The following LDB2 variants were observed in gnomAD, a reference collection of about 807,000 sequenced individuals.
LDB2 encodes the protein LIM domain-binding protein 2.
A neutral mutation model predicts 44.3 loss-of-function variants in LDB2; 12 were observed. That is an observed-to-expected ratio of 0.27 (90% CI 0.17 to 0.44). The LOEUF (loss-of-function observed/expected upper bound fraction) is 0.44, where lower values mean the gene tolerates loss of function less well. Ranked by LOEUF, LDB2 falls within the 20% of genes least tolerant of loss-of-function variation. LDB2 has a pLI of 1.00. For missense variants in LDB2, 344 were observed against 473.5 expected (o/e 0.73, Z 2.54); for synonymous variants, 164 against 174.8 (o/e 0.94, Z 0.49).
chr4:16,828,243 G>A (rs895821668), intron 1 of LDB2, among the ~76,000 whole-genome samples: 5 of 152,116 alleles, frequency 3.3e-5, no homozygotes, highest in Non-Finnish European at 5.9e-5. Flanking sequence ...TTCAAGGCTC[G>A]CCTCCACCTG....
chr4:16,672,278 A>G (rs1331637866), intron 2 of LDB2, among the ~76,000 whole-genome samples: 1 of 152,204 alleles, frequency 6.6e-6, no homozygotes, highest in Non-Finnish European at 1.5e-5. Context: ...TTGGATTCAG[A>G]GCCTGCAAGT....
intron 2 of LDB2, among the ~76,000 whole-genome samples, chr4:16,656,147 G>A (rs575806561): frequency 6.6e-6 from 1 of 152,178 alleles, no homozygotes; most frequent in African/African-American, 2.4e-5. Flanking sequence ...TGATCCACCC[G>A]CCTCGGCCTC....
intron 2 of LDB2, among the ~76,000 whole-genome samples, chr4:16,612,525 G>A (rs930747652): frequency 1.3e-5 from 2 of 151,998 alleles, no homozygotes. Flanking sequence ...AAAGATAAAG[G>A]GGATATAAAC....
chr4:16,725,257 C>G lies in LDB2; in HGVS notation c.235+33901G>C, dbSNP rs557385065. ...ATACACAAGTTCACACACACACACA[C>G]ACACGCACACACACGCACATATATA... On this transcript the variant is annotated intron_variant, in intron 2 of 7. Coordinates refer to ENST00000304523, the MANE Select transcript of LDB2 (RefSeq NM_001290.5). Among the ~76,000 whole-genome samples, 14 of 152,132 alleles carry G rather than the reference C, an allele frequency of 9.2e-5. No individual in the cohort carries two copies. The South Asian group carries it at 2.9e-3, about 32-fold the overall frequency.
intron 2 of LDB2, among the ~76,000 whole-genome samples, chr4:16,610,556 A>G (rs1324515953): frequency 6.6e-6 from 1 of 152,148 alleles, no homozygotes; most frequent in Admixed American, 6.5e-5. Context: ...GCATGAGAAC[A>G]TTGTGAAGCA....
chr4:16,669,999 C>T (rs951413097), intron 2 of LDB2, among the ~76,000 whole-genome samples: 5 of 152,224 alleles, frequency 3.3e-5, no homozygotes, highest in Admixed American at 6.5e-5. Flanking sequence ...TGGCTGCTTT[C>T]GTGCTACAAT....
At chr4:16,578,059 C>A (rs1032793390) in intron 5 of LDB2, among the ~76,000 whole-genome samples, 14 of 152,144 alleles carry the variant, frequency 9.2e-5, no homozygotes, top group African/African-American at 3.1e-4. Flanking sequence ...ATACAAAAAT[C>A]AAATAAAAAT....
chr4:16,662,935 C>G (rs1742021473), intron 2 of LDB2, among the ~76,000 whole-genome samples: 1 of 151,948 alleles, frequency 6.6e-6, no homozygotes, highest in Non-Finnish European at 1.5e-5. Flanking sequence ...AAAATAGAAT[C>G]ATTTGGAACA....
intron 1 of LDB2, among the ~76,000 whole-genome samples, chr4:16,881,746 G>A (rs1353343729): frequency 1.3e-5 from 2 of 151,368 alleles, no homozygotes; most frequent in South Asian, 2.1e-4. Context: ...GATTATTTTT[G>A]CCACATCTGA....
chr4:16,725,620 G>A (rs1346842488), intron 2 of LDB2, among the ~76,000 whole-genome samples: 4 of 152,056 alleles, frequency 2.6e-5, no homozygotes, highest in South Asian at 2.1e-4. Context: ...TGCCAAATAC[G>A]TACCACTAAC....
chr4:16,624,085 T>G (rs1729628087), intron 2 of LDB2, among the ~76,000 whole-genome samples: 2 of 152,178 alleles, frequency 1.3e-5, no homozygotes, highest in African/African-American at 4.8e-5. Context: ...TTAATAAAAT[T>G]TTATTGCATT....
intron 3 of LDB2, among the ~76,000 whole-genome samples, chr4:16,592,701 A>C (rs1292790229): frequency 6.6e-6 from 1 of 152,022 alleles, no homozygotes; most frequent in African/African-American, 2.4e-5. Flanking sequence ...TCTCTGTAGC[A>C]GTAAAAAAAT....
At chr4:16,681,230 G>C (rs893283305) in intron 2 of LDB2, among the ~76,000 whole-genome samples, 15 of 152,200 alleles carry the variant, frequency 9.9e-5, no homozygotes, top group Admixed American at 8.5e-4. Context: ...ATTTGAAATA[G>C]GTTTTCCCTG....
chr4:16,599,938 T>C (rs899376173), intron 2 of LDB2, among the ~76,000 whole-genome samples: 1 of 152,210 alleles, frequency 6.6e-6, no homozygotes, highest in African/African-American at 2.4e-5. Context: ...AGGTAGCAAG[T>C]ATTTAAGTAT....
In LDB2 at chr4:16,514,742, T is replaced by C. The variant is rs527643136; in HGVS notation, c.616-2638A>G. ...AACCCTAATAAACCAGGCTGTAAAGTAATGAGACCTGGGTTAGTAATGCTG... is the reference window on the plus strand; with the variant it reads ...AACCCTAATAAACCAGGCTGTAAAGCAATGAGACCTGGGTTAGTAATGCTG... On this transcript the variant is annotated intron_variant, in intron 5 of 7. Coordinates refer to ENST00000304523, the MANE Select transcript of LDB2 (RefSeq NM_001290.5). 2.0e-5 allele frequency among the ~76,000 whole-genome samples: 3 copies of C among 152,328 alleles called. No individual in the cohort carries two copies. The South Asian group carries it at 6.2e-4, about 32-fold the overall frequency.
At chr4:16,606,374 A>G (rs924379908) in intron 2 of LDB2, among the ~76,000 whole-genome samples, 1 of 152,178 alleles carries the variant, frequency 6.6e-6, no homozygotes, top group African/African-American at 2.4e-5. Flanking sequence ...GGAAATATAT[A>G]TTTTATTTTA....
chr4:16,803,359 G>A (rs780719267), intron 1 of LDB2, among the ~76,000 whole-genome samples: 4 of 152,086 alleles, frequency 2.6e-5, no homozygotes, highest in South Asian at 2.1e-4. Context: ...GACTTCCTAC[G>A]TGAATTGCAA....
chr4:16,660,906 C>G (rs1171482561), intron 2 of LDB2, among the ~76,000 whole-genome samples: 4 of 152,144 alleles, frequency 2.6e-5, no homozygotes, highest in Admixed American at 1.3e-4. Context: ...GGCCCACCCA[C>G]TCCTAGAAAT....
Position 16,769,355 on chromosome 4 carries a change from A to T in LDB2, c.133-10095T>A, listed in dbSNP as rs559783825. 2.5e-4 allele frequency among the ~76,000 whole-genome samples: 37 copies of T among 150,848 alleles called. 1 individual carries two copies. The South Asian group carries it at 7.5e-3, about 31-fold the overall frequency. On this transcript the variant is annotated intron_variant, in intron 1 of 7. Transcript: ENST00000304523. ...CTTGTTGCCCAGGCTGGAGTGCAGT[A>T]GCACAGTCTCGGCTCACTGCAACCT...
Sources: allele counts gnomAD v4.1 joint callset (sites outside exome capture counted in the v4.1 genomes callset), GRCh38; gene constraint gnomAD v4.1.1; transcripts MANE v1.5; gene names NCBI Gene and HGNC (gene_info 2026-07-23, HGNC 2026-07-21).